The following APOB variants were observed in gnomAD, a reference collection of about 807,000 sequenced individuals.
APOB encodes apolipoprotein B.
APOB carries 153 observed loss-of-function variants against 314.1 expected under a neutral mutation model. The ratio of observed to expected loss-of-function variants is 0.49; its 90% CI spans 0.43 to 0.56. The LOEUF (loss-of-function observed/expected upper bound fraction) is 0.56, where lower values mean the gene tolerates loss of function less well. Ranked by LOEUF, APOB falls within the 20% of genes least tolerant of loss-of-function variation. The pLI, the probability that APOB is intolerant of heterozygous loss-of-function variation, is 0.00. For missense variants in APOB, 5,430 were observed against 5,350.7 expected (o/e 1.01, Z -0.46); for synonymous variants, 2,087 against 2,036.4 (o/e 1.02, Z -0.67).
chr2:21,018,851 C>G (rs1040203812), intron 20 of APOB, 141 bp downstream of exon 20: 5 of 1,220,076 alleles, frequency 4.1e-6, no homozygotes, highest in Non-Finnish European at 5.9e-6. Context: ...TCAGTTAACC[C>G]AGGTCTTAGA....
In APOB at chr2:21,011,664, C is replaced by T. The variant is rs149788084; in HGVS notation, c.5204G>A (p.Gly1735Glu). ...CATCATGTCATTTGAGAGCTTAAGTCCTTCTTGACTGACCTTGAAGTTGAA... is the reference window on the plus strand; with the variant it reads ...CATCATGTCATTTGAGAGCTTAAGTTCTTCTTGACTGACCTTGAAGTTGAA... ...NIFNFKVSQE[G>E]LKLSNDMMGS... Residue 1735 changes from glycine (G) to glutamate (E), a missense_variant, in exon 26 of 29, where the codon GGA (glycine) becomes GAA (glutamate). By Grantham distance (98) the Gly-to-Glu change is moderately conservative. This residue lies in a region of APOB where 2,085 missense variants were observed against 2,079.7 expected (regional missense o/e 1.00). Coordinates refer to ENST00000233242, the MANE Select transcript of APOB (RefSeq NM_000384.3). The T allele has an allele frequency of 6.2e-7, 1 of 1,614,048 alleles. No homozygotes were observed. Among genetic ancestry groups the T allele is most frequent in the Non-Finnish European group, 8.5e-7 (1 of 1,180,046 alleles).
intron 5 of APOB, 35 bp from the exon 6 acceptor site, chr2:21,037,290 A>G (rs1028032750): frequency 6.2e-7 from 1 of 1,603,298 alleles, no homozygotes; most frequent in Admixed American, 1.7e-5. Flanking sequence ...CATGTATTCA[A>G]CACGGGCAAC....
Position 21,015,207 on chromosome 2 carries a change from T to G in APOB, c.3562A>C (p.Lys1188Gln), listed in dbSNP as rs773255823. The G allele has an allele frequency of 6.2e-7, 1 of 1,614,238 alleles. No individual in the cohort carries two copies. The highest frequency in any genetic ancestry group is 1.7e-5 in the Admixed American group (1 of 60,034). Residue 1188 changes from lysine (K) to glutamine (Q), a missense_variant, in exon 23 of 29, where the codon AAA becomes CAA. Physicochemically the swap from Lys to Gln is moderately conservative, Grantham distance 53. Transcript: ENST00000233242. ...TCCACAGGGAAATTGGAAGTCATTT[T>G]TTTGGTATCTACATTGGTGCCTGTG... ...WNTGTNVDTK[K>Q]MTSNFPVDLS...
In APOB at chr2:21,011,462, T is replaced by C. The variant is rs201432579; in HGVS notation, c.5406A>G (p.Lys1802=). ...SLVTTLNSDL[K]YNALDLTNNG... is the part of the protein sequence containing the mutation. ...TGTTGGTGAGATCCAGAGCATTGTATTTCAGGTCACTGTTTAAAGTAGTTA... is the reference window on the plus strand; with the variant it reads ...TGTTGGTGAGATCCAGAGCATTGTACTTCAGGTCACTGTTTAAAGTAGTTA... Residue 1802 remains lysine (K), a synonymous_variant, in exon 26 of 29, where the codon AAA becomes AAG. Transcript: ENST00000233242. 3.1e-6 allele frequency: 5 copies of C among 1,614,204 alleles called. No homozygotes were observed. The highest frequency in any genetic ancestry group is 4.2e-6 in the Non-Finnish European group (5 of 1,180,032).
chr2:21,042,553 G>A (rs936775498), intron 2 of APOB, 77 bp from the exon 3 acceptor site: 2 of 996,476 alleles, frequency 2.0e-6, no homozygotes, highest in African/African-American at 3.2e-5. Context: ...GCAGAGAGGG[G>A]CAGTGGCATA....
Position 21,006,151 on chromosome 2 carries a change from G to A in APOB, c.10717C>T (p.Leu3573=). The change falls in exon 26 of 29, where the codon CTA becomes TTA. Residue 3573 remains leucine, a synonymous_variant. Coordinates refer to ENST00000233242, the MANE Select transcript of APOB (RefSeq NM_000384.3). ...WEHSTKNHLQ[L]EGLFFTNGEH... is the part of the protein sequence containing the mutation. Reference sequence around the variant, plus strand: ...CCGTTGGTGAAAAAGAGGCCCTCTAGCTGTAAGTGGTTTTTCGTACTGTGC... The same window carrying A: ...CCGTTGGTGAAAAAGAGGCCCTCTAACTGTAAGTGGTTTTTCGTACTGTGC... The A allele has an allele frequency of 6.2e-7, 1 of 1,614,010 alleles. No homozygotes were observed. Among genetic ancestry groups the A allele is most frequent in the South Asian group, 1.1e-5 (1 of 91,078 alleles).
At chr2:21,037,837 G>T in intron 5 of APOB, 121 bp downstream of exon 5, 1 of 1,283,208 alleles carries the variant, frequency 7.8e-7, no homozygotes, top group East Asian at 2.3e-5. Flanking sequence ...CCAATCCAGG[G>T]CTTCCTATGT....
In APOB at chr2:21,003,066, G is replaced by A. The variant is rs889397122; in HGVS notation, c.12356C>T (p.Ala4119Val). Residue 4119 changes from alanine to valine, a missense_variant, in exon 29 of 29, where the codon GCC becomes GTC. Physicochemically the swap from Ala to Val is moderately conservative, Grantham distance 64. Coordinates refer to ENST00000233242, the MANE Select transcript of APOB (RefSeq NM_000384.3). ...GTCGATATCATCAATTTGCCTAATGGCCCCTTGATAAACCCACTCAGCATT... is the reference window on the plus strand; with the variant it reads ...GTCGATATCATCAATTTGCCTAATGACCCCTTGATAAACCCACTCAGCATT... ...QNNAEWVYQGAIRQIDDIDVR... is the reference protein window; with the variant it reads ...QNNAEWVYQGVIRQIDDIDVR... 2 of 1,573,224 alleles carry A rather than the reference G, an allele frequency of 1.3e-6. No homozygotes were observed. Among genetic ancestry groups the A allele is most frequent in the Non-Finnish European group, 1.7e-6 (2 of 1,160,174 alleles).
chr2:21,007,129 G>T lies in APOB; in HGVS notation c.9739C>A (p.Gln3247Lys). 6.2e-7 allele frequency: 1 copy of T among 1,614,000 alleles called. No homozygotes were observed. The highest frequency in any genetic ancestry group is 2.2e-5 in the East Asian group (1 of 44,876). ...ACTGGAACAGTGTATCCAGGAATTT[G>T]AAAGGTCCTGGGGAGCTCGTCGTGA... The part of the protein sequence containing the change: ...KSHDELPRTF[Q>K]IPGYTVPVVN... Residue 3247 changes from glutamine to lysine, a missense_variant, in exon 26 of 29, where the codon CAA becomes AAA. Coordinates refer to ENST00000233242, the MANE Select transcript of APOB (RefSeq NM_000384.3).
intron 4 of APOB, among the ~76,000 whole-genome samples, chr2:21,038,791 CAG>C (rs999122749): frequency 1.3e-5 from 2 of 152,224 alleles, no homozygotes; most frequent in African/African-American, 4.8e-5. Context: ...TGAGTGCAAA[CAG>C]AGTCATACAA....
In APOB at chr2:21,013,471, A is replaced by C. The variant is rs979720051; in HGVS notation, c.3905T>G (p.Phe1302Cys). The change falls in exon 25 of 29, where the codon TTT (phenylalanine) becomes TGT (cysteine). Residue 1302 changes from phenylalanine to cysteine, a missense_variant. Physicochemically the swap from Phe to Cys is radical, Grantham distance 205. Coordinates refer to ENST00000233242, the MANE Select transcript of APOB (RefSeq NM_000384.3). ...NSLKIEIPLPFGGKSSRDLKM... is the reference protein window; with the variant it reads ...NSLKIEIPLPCGGKSSRDLKM... ...TAGATCTCTGGAGGATTTGCCACCA[A>C]AAGGCAAAGGAATCTCAATTTTCAA... is the stretch of plus-strand genomic sequence containing the variant. 1.9e-6 allele frequency: 3 copies of C among 1,614,080 alleles called. No individual in the cohort carries two copies. Among genetic ancestry groups the C allele is most frequent in the Non-Finnish European group, 2.5e-6 (3 of 1,180,032 alleles).
In APOB at chr2:21,016,427, G is replaced by A. The variant is rs370058811; in HGVS notation, c.3332+12C>T. The A allele has an allele frequency of 5.9e-5, 88 of 1,486,894 alleles. No homozygotes were observed. The highest frequency in any genetic ancestry group is 5.5e-4 in the Admixed American group (33 of 59,854). The allele number at this position is 1,486,894 out of a possible 1,614,324, so 92.1% of individuals were successfully genotyped here. A position where few individuals can be genotyped will look rare whatever the true frequency, so the allele number is the denominator to read the frequency against. On this transcript the variant is annotated intron_variant, in intron 21 of 28. Coordinates refer to ENST00000233242, the MANE Select transcript of APOB (RefSeq NM_000384.3). ...CTGCAGTGCAGGTCAGATGACCCTCGGCCTTCTTTACCTTAGGTGGCCCAT... is the reference window on the plus strand; with the variant it reads ...CTGCAGTGCAGGTCAGATGACCCTCAGCCTTCTTTACCTTAGGTGGCCCAT...
intron 6 of APOB, among the ~76,000 whole-genome samples, chr2:21,036,473 T>C (rs1253609720): frequency 6.6e-6 from 1 of 152,154 alleles, no homozygotes; most frequent in Non-Finnish European, 1.5e-5. Flanking sequence ...AGGCTGGGGC[T>C]CATATCAGGG....
rs763559077 is a variant in APOB at position 21,025,034 on chromosome 2, T to G, written c.2335A>C (p.Ile779Leu). 6.2e-7 allele frequency: 1 copy of G among 1,614,240 alleles called. No homozygotes were observed. Among genetic ancestry groups the G allele is most frequent in the South Asian group, 1.1e-5 (1 of 91,088 alleles). Residue 779 changes from isoleucine (I) to leucine (L), a missense_variant, in exon 16 of 29, where the codon ATC becomes CTC. By Grantham distance (5) the Ile-to-Leu change is conservative. Transcript: ENST00000233242. ...GCAAAACCAAGCTCCTCTCCCAAGATGCGGAGGTAGGCTCTGGCTTCCGGG... is the reference window on the plus strand; with the variant it reads ...GCAAAACCAAGCTCCTCTCCCAAGAGGCGGAGGTAGGCTCTGGCTTCCGGG... ...EVPEARAYLR[I>L]LGEELGFASL...
At position 21,013,563 on chromosome 2, in the gene APOB, ACAGTCAGACAT is replaced by A. The variant is rs757295907; in HGVS notation, c.3843-41_3843-31del. On this transcript the variant is annotated intron_variant, in intron 24 of 28. Transcript: ENST00000233242. The stretch of plus-strand genomic sequence containing the variant: ...AATGAACAACAAAGATAACATCCCC[ACAGTCAGACAT>A]CAGTCATTCAAAGTTCTCTGCCTCT... The A allele has an allele frequency of 2.9e-5, 47 of 1,613,460 alleles. No homozygotes were observed. The African/African-American group carries it at 4.8e-4, about 16-fold the overall frequency.
chr2:21,025,223 T>A, intron 15 of APOB, 99 bp from the exon 16 acceptor site: 1 of 1,189,904 alleles, frequency 8.4e-7, no homozygotes, highest in Non-Finnish European at 1.2e-6. Flanking sequence ...AGGATGGGCC[T>A]AAAAAATGCT....
Position 21,015,205 on chromosome 2 carries a change from T to C in APOB, c.3564A>G (p.Lys1188=), listed in dbSNP as rs769901860. Residue 1188 remains lysine, a synonymous_variant, in exon 23 of 29, where the codon AAA becomes AAG. Transcript: ENST00000233242. ...WNTGTNVDTK[K]MTSNFPVDLS... is the part of the protein sequence containing the mutation. Reference sequence around the variant, plus strand: ...GATCCACAGGGAAATTGGAAGTCATTTTTTTGGTATCTACATTGGTGCCTG... The same window carrying C: ...GATCCACAGGGAAATTGGAAGTCATCTTTTTGGTATCTACATTGGTGCCTG... The C allele has an allele frequency of 6.2e-7, 1 of 1,614,070 alleles. No individual in the cohort carries two copies.
intron 18 of APOB, among the ~76,000 whole-genome samples, chr2:21,021,163 C>T (rs779381911): frequency 9.9e-5 from 15 of 152,192 alleles, no homozygotes; most frequent in Non-Finnish European, 2.1e-4. Context: ...CTGAATTTGT[C>T]ACTTTCCTTG....
chr2:21,016,477 G>A lies in APOB; in HGVS notation c.3294C>T (p.Asn1098=), dbSNP rs978418946. 1.3e-5 allele frequency: 21 copies of A among 1,611,604 alleles called. No individual in the cohort carries two copies. Among genetic ancestry groups the A allele is most frequent in the Non-Finnish European group, 1.8e-5 (21 of 1,177,804 alleles). ...TGAGGGCGACCTCAGTAATTTTCTT[G>A]TTCTGAATGTCCAGGGTGAGTCTGT... is the stretch of plus-strand genomic sequence containing the variant. The part of the protein sequence containing the change: ...TSYRLTLDIQ[N]KKITEVALMG... The change falls in exon 21 of 29, where the codon AAC becomes AAT. Residue 1098 remains asparagine, a synonymous_variant. Coordinates refer to ENST00000233242, the MANE Select transcript of APOB (RefSeq NM_000384.3).
Sources: gnomAD v4.1 joint callset for allele counts (sites outside exome capture counted in the v4.1 genomes callset) on GRCh38, gnomAD v4.1.1 for gene constraint, gnomAD v4.1.1 regional missense constraint, MANE v1.5 for transcripts, NCBI Gene and HGNC (gene_info 2026-07-23, HGNC 2026-07-21) for gene names.